The following TMED5 variants were observed in gnomAD, a reference collection of about 807,000 sequenced individuals.
The protein encoded by TMED5 is transmembrane emp24 domain-containing protein 5.
Under a neutral mutation model 23.0 loss-of-function variants are expected in TMED5, and 27 were observed. The observed-to-expected ratio is 1.17, with a 90% CI of 0.86 to 1.62. The LOEUF is 1.62. Ranked by LOEUF, TMED5 falls within the 40% of genes most tolerant of loss-of-function variation. The probability of loss-of-function intolerance (pLI) is 0.00; values close to 1 mark genes in which losing one functional copy is unlikely to be tolerated. For missense variants in TMED5, 248 were observed against 273.7 expected, an observed-to-expected ratio of 0.91 and a Z score of 0.66; for synonymous variants, 97 against 100.8, an observed-to-expected ratio of 0.96 and a Z score of 0.23.
In TMED5 at chr1:93,151,730, A is replaced by C. The variant is rs1484041621; in HGVS notation, c.*2940T>G. Reference sequence around the variant, plus strand: ...TCCAATGCAAAGTAGAGTGATGTACAATAAGAGGTGTAGAGAGCTATGGGG... The same window carrying C: ...TCCAATGCAAAGTAGAGTGATGTACCATAAGAGGTGTAGAGAGCTATGGGG... On this transcript the variant is annotated 3_prime_UTR_variant, in exon 4 of 4. Transcript: ENST00000370282. 2 of 152,234 alleles carry C rather than the reference A, an allele frequency of 1.3e-5. No homozygotes were observed. Among genetic ancestry groups the C allele is most frequent in the Non-Finnish European group, 2.9e-5 (2 of 68,048 alleles). 9.4% of individuals were successfully genotyped at this position (152,234 alleles called of 1,614,324 possible). A position where few individuals can be genotyped will look rare whatever the true frequency, so the allele number is the denominator to read the frequency against.
At position 93,151,348 on chromosome 1, in the gene TMED5, T is replaced by C. The variant is rs1647868737; in HGVS notation, c.*3322A>G. 1 of 152,234 alleles carries C rather than the reference T, an allele frequency of 6.6e-6. No individual in the cohort carries two copies. The highest frequency in any genetic ancestry group is 2.4e-5 in the African/African-American group (1 of 41,462). The allele number at this position is 152,234 out of a possible 1,614,324, so 9.4% of individuals were successfully genotyped here. On this transcript the variant is annotated 3_prime_UTR_variant, in exon 4 of 4. Transcript: ENST00000370282. ...CCTACCTACACCAAGCATTGTACTT[T>C]TCCTATATGCTAACAAGTTTTAAGA...
At position 93,154,634 on chromosome 1, in the gene TMED5, C is replaced by A; in HGVS notation, c.*36G>T. The A allele has an allele frequency of 6.7e-7, 1 of 1,496,094 alleles. No homozygotes were observed. The highest frequency in any genetic ancestry group is 9.2e-7 in the Non-Finnish European group (1 of 1,083,620). 92.7% of individuals were successfully genotyped at this position (1,496,094 alleles called of 1,614,324 possible). ...GTAACAGTTTATTGCATTTTTATGC[C>A]TCATTTTTCAATGTTACGTACTCTA... On this transcript the variant is annotated 3_prime_UTR_variant, in exon 4 of 4. Transcript: ENST00000370282.
chr1:93,169,968 T>C lies in TMED5; in HGVS notation c.190-9742A>G, dbSNP rs898593914. ...ATGCCTCCCTAGCTACTTGGGAGGC[T>C]GAGGTGAGAGGATCACTTGAGCCCA... is the stretch of plus-strand genomic sequence containing the variant. On this transcript the variant is annotated intron_variant, in intron 1 of 3. Coordinates refer to ENST00000370282, the MANE Select transcript of TMED5 (RefSeq NM_016040.5). 3.3e-5 allele frequency among the ~76,000 whole-genome samples: 5 copies of C among 151,608 alleles called. No individual in the cohort carries two copies. The South Asian group carries it at 1.0e-3, about 32-fold the overall frequency.
At chr1:93,157,001 G>A (rs1571270729) in intron 2 of TMED5, among the ~76,000 whole-genome samples, 1 of 152,002 alleles carries the variant, frequency 6.6e-6, no homozygotes, top group East Asian at 1.9e-4. Flanking sequence ...GTAAATTATG[G>A]TTAGTGACCT....
At position 93,153,018 on chromosome 1, in the gene TMED5, A is replaced by G. The variant is rs563093697; in HGVS notation, c.*1652T>C. 39 of 152,552 alleles carry G rather than the reference A, an allele frequency of 2.6e-4. 1 individual carries two copies. Among genetic ancestry groups the G allele is most frequent in the Non-Finnish European group, 5.1e-4 (35 of 68,004 alleles). 9.4% of individuals were successfully genotyped at this position (152,552 alleles called of 1,614,324 possible). Reference sequence around the variant, plus strand: ...GAAATGTATCTCTTTTTATACTACTATGAGTGTAAATGAAATCACTCTCTG... The same window carrying G: ...GAAATGTATCTCTTTTTATACTACTGTGAGTGTAAATGAAATCACTCTCTG... On this transcript the variant is annotated 3_prime_UTR_variant, in exon 4 of 4. Transcript: ENST00000370282.
intron 1 of TMED5, chr1:93,162,585 AGT>A (rs879664520): frequency 2.6e-5 from 4 of 151,712 alleles, no homozygotes; most frequent in Non-Finnish European, 5.9e-5. Flanking sequence ...CAAAAGAATG[AGT>A]GAGACTCCAC....
rs376330795 is a variant in TMED5, at chr1:93,175,316, T to TACACAC, written c.189+4732_189+4737dup. Among the ~76,000 whole-genome samples, 617 of 129,052 alleles carry TACACAC rather than the reference T, an allele frequency of 4.8e-3. 3 individuals are homozygous for TACACAC. The highest frequency in any genetic ancestry group is 9.5e-3 in the East Asian group (45 of 4,742). The allele number at this position is 129,052 out of a possible 152,430, so 84.7% of individuals were successfully genotyped here. On this transcript the variant is annotated intron_variant, in intron 1 of 3. Transcript: ENST00000370282. ...CCTTATGCCTATATATATATATATA[T>TACACAC]ACACACACACACACACACACACACA...
chr1:93,173,870 A>G (rs914191123), intron 1 of TMED5, among the ~76,000 whole-genome samples: 3 of 152,298 alleles, frequency 2.0e-5, no homozygotes, highest in East Asian at 1.9e-4. Flanking sequence ...ATCAAACCCT[A>G]TATGTTTTTA....
At chr1:93,169,915 ACAC>A in intron 1 of TMED5, among the ~76,000 whole-genome samples, 1 of 151,678 alleles carries the variant, frequency 6.6e-6, no homozygotes, top group South Asian at 2.1e-4. Context: ...ACACACACAC[ACAC>A]AAAATTAGGC....
At chr1:93,165,979 C>T (rs888388781) in intron 1 of TMED5, among the ~76,000 whole-genome samples, 10 of 152,130 alleles carry the variant, frequency 6.6e-5, no homozygotes, top group African/African-American at 2.4e-4. Context: ...CAATTGCTTT[C>T]ATTTTTAGCT....
chr1:93,171,936 A>G (rs1648745918), intron 1 of TMED5, among the ~76,000 whole-genome samples: 1 of 152,250 alleles, frequency 6.6e-6, no homozygotes, highest in Non-Finnish European at 1.5e-5. Flanking sequence ...CATCACATCA[A>G]CAGGCTAAGG....
intron 2 of TMED5, chr1:93,158,883 C>A: frequency 1.1e-6 from 1 of 947,504 alleles, no homozygotes; most frequent in Middle Eastern, 5.4e-4. Flanking sequence ...ACTTCTTATA[C>A]ACCTATCAAA....
intron 3 of TMED5, chr1:93,156,061 T>G (rs757680905): frequency 4.1e-6 from 6 of 1,477,052 alleles, no homozygotes. Context: ...TTTGCACATC[T>G]GAAGCTATTT....
intron 1 of TMED5, among the ~76,000 whole-genome samples, chr1:93,164,427 T>C (rs1648410188): frequency 6.6e-6 from 1 of 152,158 alleles, no homozygotes; most frequent in Admixed American, 6.5e-5. Flanking sequence ...GCTAGGATCT[T>C]TGAAGGGTCA....
At chr1:93,159,116 T>A (rs1362701788) in intron 2 of TMED5, among the ~76,000 whole-genome samples, 1 of 152,212 alleles carries the variant, frequency 6.6e-6, no homozygotes, top group Non-Finnish European at 1.5e-5. Context: ...GTATCGATTA[T>A]GTATCAGGCA....
intron 1 of TMED5, among the ~76,000 whole-genome samples, chr1:93,174,285 T>A (rs1284800340): frequency 1.3e-5 from 2 of 152,126 alleles, no homozygotes; most frequent in South Asian, 2.1e-4. Flanking sequence ...TGCTTTTACA[T>A]CTTTGTATTG....
intron 2 of TMED5, chr1:93,158,770 G>A (rs1171960719): frequency 1.6e-5 from 3 of 188,862 alleles, no homozygotes; most frequent in Admixed American, 1.3e-4. Context: ...GTTTCACCAT[G>A]TTGGCCAGGA....
In TMED5 at chr1:93,156,487, T is replaced by C. The variant is rs1557571893; in HGVS notation, c.288-4A>G. The C allele has an allele frequency of 1.9e-6, 3 of 1,606,052 alleles. No homozygotes were observed. The highest frequency in any genetic ancestry group is 2.2e-5 in the East Asian group (1 of 44,748). ...ATCACCAACTTCAGTCTCTACACTG[T>C]ATAAAAAAAAGTACATGTTTTAAGT... On this transcript the variant is annotated splice_region_variant and splice_polypyrimidine_tract_variant and intron_variant, in intron 2 of 3. Transcript: ENST00000370282.
intron 1 of TMED5, among the ~76,000 whole-genome samples, chr1:93,168,621 G>A (rs1259209879): frequency 6.6e-6 from 1 of 151,960 alleles, no homozygotes; most frequent in East Asian, 1.9e-4. Context: ...GGATCACGAG[G>A]TCAGGAGATT....
Sources: allele counts gnomAD v4.1 joint callset (sites outside exome capture counted in the v4.1 genomes callset), GRCh38; gene constraint gnomAD v4.1.1; transcripts MANE v1.5; gene names NCBI Gene and HGNC (gene_info 2026-07-23, HGNC 2026-07-21).